Variants in SEMA3A observed in about 807,000 individuals in gnomAD.
The protein encoded by SEMA3A is semaphorin-3A.
A neutral mutation model predicts 97.9 loss-of-function variants in SEMA3A; 29 were observed. The observed-to-expected ratio is 0.30, with a 90% CI of 0.22 to 0.40. The LOEUF (loss-of-function observed/expected upper bound fraction) is 0.40. Among genes scored for constraint, SEMA3A ranks in the 10% least tolerant of loss-of-function variants. SEMA3A has a pLI of 1.00. For missense variants in SEMA3A, 763 were observed against 951.3 expected (o/e 0.80, Z 2.60); for synonymous variants, 321 against 323.7 (o/e 0.99, Z 0.09).
At chr7:84,085,541 T>C (rs1445054430) in intron 4 of SEMA3A, among the ~76,000 whole-genome samples, 5 of 152,268 alleles carry the variant, frequency 3.3e-5, no homozygotes, top group African/African-American at 1.2e-4. Context: ...ACACTAAAGC[T>C]ATAAACTGTA....
At chr7:84,339,354 A>G (rs1802109590) in intron 2 of SEMA3A, among the ~76,000 whole-genome samples, 1 of 152,144 alleles carries the variant, frequency 6.6e-6, no homozygotes, top group Admixed American at 6.6e-5. Context: ...ATGACCACAT[A>G]TTCTTATTAT....
chr7:84,061,878 T>G (rs2115691202), intron 4 of SEMA3A, among the ~76,000 whole-genome samples: 1 of 152,282 alleles, frequency 6.6e-6, no homozygotes, highest in East Asian at 1.9e-4. Flanking sequence ...TTTCTTTAGG[T>G]TAGTTCTAAA....
chr7:84,115,867 C>T (rs1333659574), intron 3 of SEMA3A, among the ~76,000 whole-genome samples: 2 of 152,074 alleles, frequency 1.3e-5, no homozygotes, highest in African/African-American at 4.8e-5. Context: ...AGTGTTCATG[C>T]CTTAATGCAA....
At chr7:84,268,292 T>TGTGC (rs1800059628) in intron 3 of SEMA3A, among the ~76,000 whole-genome samples, 1 of 149,182 alleles carries the variant, frequency 6.7e-6, no homozygotes, top group African/African-American at 2.5e-5. Flanking sequence ...TGTGTGTGTG[T>TGTGC]GTGCAGGTGC....
chr7:84,443,403 C>T (rs1210473707), intron 1 of SEMA3A, among the ~76,000 whole-genome samples: 1 of 152,082 alleles, frequency 6.6e-6, no homozygotes, highest in East Asian at 1.9e-4. Context: ...TTTGTCCATT[C>T]CTAAAGAACT....
chr7:84,418,263 G>C (rs1042949135), intron 1 of SEMA3A, among the ~76,000 whole-genome samples: 1 of 152,122 alleles, frequency 6.6e-6, no homozygotes, highest in Non-Finnish European at 1.5e-5. Flanking sequence ...GCTTCACAAT[G>C]ATGACAGATG....
intron 1 of SEMA3A, among the ~76,000 whole-genome samples, chr7:84,184,756 C>T (rs1391420815): frequency 1.3e-5 from 2 of 152,052 alleles, no homozygotes; most frequent in African/African-American, 4.8e-5. Context: ...AGAAACATTA[C>T]GTGCATGCCT....
At chr7:84,279,105 A>G (rs1215330379) in intron 3 of SEMA3A, among the ~76,000 whole-genome samples, 2 of 152,186 alleles carry the variant, frequency 1.3e-5, no homozygotes, top group Non-Finnish European at 2.9e-5. Context: ...TGTTTATAAA[A>G]TAAATGGATA....
intron 15 of SEMA3A, among the ~76,000 whole-genome samples, chr7:83,971,908 A>G (rs1481510178): frequency 6.6e-6 from 1 of 152,098 alleles, no homozygotes; most frequent in Admixed American, 6.6e-5. Flanking sequence ...AGCATTTAGA[A>G]TTTTACAGTT....
intron 1 of SEMA3A, among the ~76,000 whole-genome samples, chr7:84,463,785 C>T (rs1325770770): frequency 6.6e-6 from 1 of 151,796 alleles, no homozygotes; most frequent in Non-Finnish European, 1.5e-5. Context: ...TCTGTCCCTC[C>T]CACTTTTCCT....
chr7:84,258,592 CTA>C (rs1456742228), intron 3 of SEMA3A, among the ~76,000 whole-genome samples: 1 of 152,090 alleles, frequency 6.6e-6, no homozygotes, highest in African/African-American at 2.4e-5. Context: ...AAAATATCCC[CTA>C]TGTTTCATTT....
At chr7:84,383,005 A>G (rs979715606) in intron 1 of SEMA3A, among the ~76,000 whole-genome samples, 7 of 151,292 alleles carry the variant, frequency 4.6e-5, no homozygotes, top group African/African-American at 1.7e-4. Flanking sequence ...TATAATAGGT[A>G]CGTGTAAAGG....
chr7:84,048,331 G>A (rs1792443370), intron 5 of SEMA3A, among the ~76,000 whole-genome samples: 1 of 151,870 alleles, frequency 6.6e-6, no homozygotes, highest in African/African-American at 2.4e-5. Context: ...GATAACCTAT[G>A]TATAAATTTC....
At chr7:84,010,533 T>C (rs985368210) in intron 9 of SEMA3A, among the ~76,000 whole-genome samples, 45 of 152,178 alleles carry the variant, frequency 3.0e-4, no homozygotes, top group African/African-American at 1.1e-3. Context: ...TGGGCAAAGA[T>C]AGGACTTTCA....
At chr7:84,337,828 C>T (rs928504812) in intron 2 of SEMA3A, among the ~76,000 whole-genome samples, 1 of 152,048 alleles carries the variant, frequency 6.6e-6, no homozygotes, top group African/African-American at 2.4e-5. Flanking sequence ...CCAAAGCATT[C>T]TCAAAGAAAG....
chr7:84,486,913 A>C (rs1806588561), intron 1 of SEMA3A, among the ~76,000 whole-genome samples: 1 of 152,104 alleles, frequency 6.6e-6, no homozygotes, highest in African/African-American at 2.4e-5. Flanking sequence ...TTAAATCCTC[A>C]AGCTTTTAAT....
At chr7:84,453,569 G>A (rs1177192274) in intron 1 of SEMA3A, among the ~76,000 whole-genome samples, 1 of 152,132 alleles carries the variant, frequency 6.6e-6, no homozygotes, top group Non-Finnish European at 1.5e-5. Context: ...TAGAGACAAT[G>A]CATCCTGATT....
At chr7:84,177,406 A>C (rs1473856525) in intron 1 of SEMA3A, among the ~76,000 whole-genome samples, 1 of 152,116 alleles carries the variant, frequency 6.6e-6, no homozygotes, top group Non-Finnish European at 1.5e-5. Flanking sequence ...GCCTCTGTCC[A>C]TTATTGTTAA....
intron 1 of SEMA3A, among the ~76,000 whole-genome samples, chr7:84,424,418 A>G (rs1275347994): frequency 1.5e-5 from 2 of 131,854 alleles, no homozygotes; most frequent in South Asian, 2.2e-4. Context: ...TATATAATAT[A>G]TTGTTATAAA....
Sources: allele counts gnomAD v4.1 joint callset (sites outside exome capture counted in the v4.1 genomes callset), GRCh38; gene constraint gnomAD v4.1.1; transcripts MANE v1.5; gene names NCBI Gene and HGNC (gene_info 2026-07-23, HGNC 2026-07-21).